Variants in COL22A1 observed in about 807,000 individuals in gnomAD.
COL22A1 encodes collagen alpha-1(XXII) chain.
Under a neutral mutation model 248.9 loss-of-function variants are expected in COL22A1, and 221 were observed. That is an observed-to-expected ratio of 0.89 (90% confidence interval 0.80 to 0.99). The LOEUF is 0.99. Among genes scored for constraint, COL22A1 ranks in the 50% least tolerant of loss-of-function variants. COL22A1 has a pLI of 0.00. For missense variants in COL22A1, 2,240 were observed against 2,179.0 expected, an observed-to-expected ratio of 1.03 and a Z score of -0.56; for synonymous variants, 891 against 793.4, an observed-to-expected ratio of 1.12 and a Z score of -2.07.
Position 138,877,731 on chromosome 8 carries a change from G to A in COL22A1, c.658+19C>T, listed in dbSNP as rs1261334083. 10 of 1,552,116 alleles carry A rather than the reference G, an allele frequency of 6.4e-6. No homozygotes were observed. The highest frequency in any genetic ancestry group is 8.7e-6 in the Non-Finnish European group (10 of 1,147,058). On this transcript the variant is annotated intron_variant, in intron 3 of 64. Coordinates refer to ENST00000303045, the MANE Select transcript of COL22A1 (RefSeq NM_152888.3). ...GCGTCACTCTTGGGAGGGGCCGCAT[G>A]GGGCCCGGGCGCACTCACTTTCACA...
intron 5 of COL22A1, among the ~76,000 whole-genome samples, chr8:138,832,531 A>G (rs1268007631): frequency 6.6e-6 from 1 of 152,184 alleles, no homozygotes; most frequent in African/African-American, 2.4e-5. Flanking sequence ...ATAATGTAGC[A>G]AGGCAGGAAC....
intron 30 of COL22A1, among the ~76,000 whole-genome samples, chr8:138,706,809 G>A (rs1349034710): frequency 1.3e-5 from 2 of 152,186 alleles, no homozygotes; most frequent in African/African-American, 4.8e-5. Context: ...GAAGGAGATA[G>A]AGACACAAAA....
intron 41 of COL22A1, among the ~76,000 whole-genome samples, chr8:138,665,734 A>C (rs1178573936): frequency 6.6e-6 from 1 of 152,220 alleles, no homozygotes. Flanking sequence ...AGTTTCCACG[A>C]ACTTTGGAGG....
intron 23 of COL22A1, among the ~76,000 whole-genome samples, chr8:138,727,594 C>T (rs936917213): frequency 1.3e-5 from 2 of 152,268 alleles, no homozygotes; most frequent in Middle Eastern, 3.4e-3. Flanking sequence ...CAGAGGTGGC[C>T]GCATCGGTGA....
rs777668644 is a variant in COL22A1, at chr8:138,725,444, T to C, written c.2140-4A>G. On this transcript the variant is annotated splice_polypyrimidine_tract_variant and splice_region_variant and intron_variant, in intron 23 of 64. Transcript: ENST00000303045. ...CACCAGGGGGTCCTGGAGGGCCCTG[T>C]AGAGAAAGAGCATTTGGTGGGCTAC... 1.2e-6 allele frequency: 2 copies of C among 1,612,810 alleles called. No individual in the cohort carries two copies. Among genetic ancestry groups the C allele is most frequent in the South Asian group, 2.2e-5 (2 of 90,992 alleles).
Position 138,596,986 on chromosome 8 carries a change from G to A in COL22A1, c.4366-16C>T, listed in dbSNP as rs1447490763. Reference sequence around the variant, plus strand: ...GAGACTCCCCCTAGGAGGGAGGGAAGGTGGAGTCATTCATCTTCCCAGTAA... The same window carrying A: ...GAGACTCCCCCTAGGAGGGAGGGAAAGTGGAGTCATTCATCTTCCCAGTAA... On this transcript the variant is annotated splice_polypyrimidine_tract_variant and intron_variant, in intron 61 of 64. Coordinates refer to ENST00000303045, the MANE Select transcript of COL22A1 (RefSeq NM_152888.3). The A allele has an allele frequency of 9.3e-6, 15 of 1,610,908 alleles. No individual in the cohort carries two copies. Among genetic ancestry groups the A allele is most frequent in the Non-Finnish European group, 1.3e-5 (15 of 1,177,710 alleles).
At chr8:138,877,653 C>T (rs1823824946) in intron 3 of COL22A1, 97 bp downstream of exon 3, 6 of 1,269,216 alleles carry the variant, frequency 4.7e-6, no homozygotes, top group Admixed American at 2.6e-5. Flanking sequence ...TTCCTGGAGC[C>T]GGCCGTAGGA....
At chr8:138,699,964 G>A in intron 32 of COL22A1, 148 bp downstream of exon 32, 1 of 763,352 alleles carries the variant, frequency 1.3e-6, no homozygotes, top group South Asian at 1.7e-5. Context: ...CCTGTTTTCA[G>A]GACAAGCCCA....
chr8:138,711,500 G>A (rs892055875), intron 30 of COL22A1, among the ~76,000 whole-genome samples: 5 of 152,200 alleles, frequency 3.3e-5, no homozygotes, highest in Non-Finnish European at 7.3e-5. Flanking sequence ...TTATGGTCTC[G>A]CTAAGCCTTT....
intron 19 of COL22A1, 84 bp downstream of exon 19, chr8:138,755,701 G>T: frequency 6.9e-7 from 1 of 1,440,772 alleles, no homozygotes; most frequent in Non-Finnish European, 9.8e-7. Flanking sequence ...GAAGAGCGTT[G>T]CCTTATTCTT....
At chr8:138,818,734 G>C (rs1818874148) in intron 7 of COL22A1, among the ~76,000 whole-genome samples, 1 of 152,252 alleles carries the variant, frequency 6.6e-6, no homozygotes, top group African/African-American at 2.4e-5. Flanking sequence ...GCGTGGCACA[G>C]AGCCTCTGCA....
chr8:138,644,803 C>T (rs1564136352), intron 47 of COL22A1, among the ~76,000 whole-genome samples: 1 of 152,194 alleles, frequency 6.6e-6, no homozygotes, highest in Non-Finnish European at 1.5e-5. Flanking sequence ...GGCCAGCCTG[C>T]TCAGCATAAA....
At chr8:138,889,094 C>T (rs918254616) in intron 1 of COL22A1, among the ~76,000 whole-genome samples, 1 of 152,132 alleles carries the variant, frequency 6.6e-6, no homozygotes, top group Non-Finnish European at 1.5e-5. Context: ...TCAAGGCAGG[C>T]ATCATCATTT....
At chr8:138,790,066 A>G (rs1044921414) in intron 12 of COL22A1, among the ~76,000 whole-genome samples, 1 of 152,216 alleles carries the variant, frequency 6.6e-6, no homozygotes, top group Non-Finnish European at 1.5e-5. Context: ...ATCTCATAGT[A>G]GCAGAAACCC....
intron 22 of COL22A1, among the ~76,000 whole-genome samples, chr8:138,745,958 T>C (rs577848792): frequency 1.3e-5 from 2 of 152,324 alleles, no homozygotes; most frequent in South Asian, 4.1e-4. Flanking sequence ...GCAGTCCTTC[T>C]CTATCTCTCT....
In COL22A1 at chr8:138,852,805, G is replaced by A. The variant is rs1472735104; in HGVS notation, c.659-8647C>T. ...AGTGTATGTGGAGGGAGTGTTTCAC[G>A]CAGCAGGGAGCAGTCCAAGGCACCA... On this transcript the variant is annotated intron_variant, in intron 3 of 64. Transcript: ENST00000303045. Among the ~76,000 whole-genome samples, 4 of 151,956 alleles carry A rather than the reference G, an allele frequency of 2.6e-5. No individual in the cohort carries two copies. In the South Asian group the frequency reaches 6.2e-4, roughly 24 times the overall value.
chr8:138,602,746 A>C (rs1818130051), intron 59 of COL22A1, among the ~76,000 whole-genome samples: 1 of 152,206 alleles, frequency 6.6e-6, no homozygotes, highest in Non-Finnish European at 1.5e-5. Context: ...AACAAGGGAC[A>C]CGGCCCACAG....
chr8:138,828,737 G>A (rs575384808), intron 5 of COL22A1, among the ~76,000 whole-genome samples: 14 of 150,734 alleles, frequency 9.3e-5, no homozygotes, highest in East Asian at 7.8e-4. Flanking sequence ...GCGACAGAGC[G>A]AGACTCCATC....
chr8:138,734,347 C>T (rs1830943837), intron 23 of COL22A1, among the ~76,000 whole-genome samples: 1 of 152,116 alleles, frequency 6.6e-6, no homozygotes, highest in Non-Finnish European at 1.5e-5. Context: ...TTTTACGTCC[C>T]CAGGGCTGAA....
Sources: gnomAD v4.1 joint callset for allele counts (sites outside exome capture counted in the v4.1 genomes callset) on GRCh38, gnomAD v4.1.1 for gene constraint, MANE v1.5 for transcripts, NCBI Gene and HGNC (gene_info 2026-07-23, HGNC 2026-07-21) for gene names.